Variants in CEP128 observed in about 807,000 individuals in gnomAD.
CEP128 encodes the protein centrosomal protein 128.
A neutral mutation model predicts 156.7 loss-of-function variants in CEP128; 132 were observed. The ratio of observed to expected loss-of-function variants is 0.84; its 90% CI spans 0.73 to 0.97. CEP128 has a LOEUF of 0.97. CEP128 is among the 50% of genes least tolerant of loss of function. The probability of loss-of-function intolerance (pLI) is 0.00; values close to 1 mark genes in which losing one functional copy is unlikely to be tolerated. For synonymous variants in CEP128, 469 were observed against 448.9 expected (o/e 1.04, Z -0.57); for missense variants, 1,252 against 1,281.9 (o/e 0.98, Z 0.36).
chr14:80,660,753 T>C (rs1268253277), intron 19 of CEP128, among the ~76,000 whole-genome samples: 1 of 152,210 alleles, frequency 6.6e-6, no homozygotes, highest in Non-Finnish European at 1.5e-5. Context: ...ATGTTACTAA[T>C]ATGTAACATT....
upstream of CEP128, among the ~76,000 whole-genome samples, chr14:80,944,372 T>C (rs1177175180): frequency 2.0e-5 from 3 of 152,134 alleles, no homozygotes; most frequent in African/African-American, 7.2e-5. Flanking sequence ...CTCATGATAG[T>C]GAGTGAGTTC....
intron 13 of CEP128, among the ~76,000 whole-genome samples, chr14:80,821,279 AAAGAT>A (rs1336133289): frequency 6.6e-6 from 1 of 152,208 alleles, no homozygotes; most frequent in Non-Finnish European, 1.5e-5. Context: ...AAATCACTCT[AAAGAT>A]AAGGAAACTA....
intron 19 of CEP128, among the ~76,000 whole-genome samples, chr14:80,605,274 G>A (rs1892732520): frequency 6.6e-6 from 1 of 152,022 alleles, no homozygotes; most frequent in Non-Finnish European, 1.5e-5. Context: ...ATGGCTCAAT[G>A]TGTATGAGTA....
chr14:80,596,053 GAAAA>G (rs55831009), intron 19 of CEP128, among the ~76,000 whole-genome samples: 1 of 109,118 alleles, frequency 9.2e-6, no homozygotes, highest in East Asian at 2.7e-4. Context: ...TATCAGCAGG[GAAAA>G]AAAAAAAAAA....
intron 16 of CEP128, among the ~76,000 whole-genome samples, chr14:80,776,877 G>C (rs1900822482): frequency 6.6e-6 from 1 of 152,058 alleles, no homozygotes; most frequent in South Asian, 2.1e-4. Context: ...ATTCTTAGTT[G>C]ACTTTTTGCC....
downstream of CEP128, among the ~76,000 whole-genome samples, chr14:80,486,082 C>A (rs560721777): frequency 6.6e-6 from 1 of 152,210 alleles, no homozygotes; most frequent in South Asian, 2.1e-4. Flanking sequence ...GGTGGGGAAT[C>A]CTTAGCAAAG....
chr14:80,838,430 T>C (rs1886194488), intron 10 of CEP128, 152 bp from the exon 11 acceptor site: 1 of 590,152 alleles, frequency 1.7e-6, no homozygotes. Context: ...TATGAACATA[T>C]ATCAATACTT....
At chr14:80,808,086 C>A (rs1036479397) in intron 13 of CEP128, among the ~76,000 whole-genome samples, 1 of 152,218 alleles carries the variant, frequency 6.6e-6, no homozygotes, top group African/African-American at 2.4e-5. Context: ...ACCCCACCAC[C>A]AGTAGTGGCA....
At chr14:80,800,747 C>T (rs1277068908) in intron 13 of CEP128, among the ~76,000 whole-genome samples, 6 of 152,118 alleles carry the variant, frequency 3.9e-5, no homozygotes, top group Non-Finnish European at 8.8e-5. Context: ...GTTATTTATT[C>T]CTTTCTATGT....
intron 19 of CEP128, among the ~76,000 whole-genome samples, chr14:80,620,509 A>G (rs1290836728): frequency 1.3e-5 from 2 of 152,326 alleles, no homozygotes; most frequent in African/African-American, 4.8e-5. Context: ...AAGACAATTG[A>G]TTTGTAAAGG....
At chr14:80,948,390 C>T (rs1236577804) in intron 2 of CEP128, among the ~76,000 whole-genome samples, 1 of 152,222 alleles carries the variant, frequency 6.6e-6, no homozygotes, top group Non-Finnish European at 1.5e-5. Flanking sequence ...AGGTAATTAT[C>T]ACTGCCAAGA....
upstream of CEP128, among the ~76,000 whole-genome samples, chr14:80,944,369 T>C (rs985419069): frequency 2.6e-5 from 4 of 152,166 alleles, no homozygotes; most frequent in African/African-American, 9.7e-5. Flanking sequence ...GTTCTCATGA[T>C]AGTGAGTGAG....
chr14:80,594,419 C>T (rs1013801366), intron 19 of CEP128, among the ~76,000 whole-genome samples: 8 of 152,134 alleles, frequency 5.3e-5, no homozygotes, highest in Non-Finnish European at 1.0e-4. Context: ...TGGGCAAAGA[C>T]TTCATGACTA....
chr14:80,727,749 C>T (rs866462075), intron 19 of CEP128, among the ~76,000 whole-genome samples: 1 of 152,024 alleles, frequency 6.6e-6, no homozygotes. Context: ...ATGCAGCCAA[C>T]AAGCATATGA....
intron 19 of CEP128, among the ~76,000 whole-genome samples, chr14:80,720,846 C>T (rs1235733277): frequency 1.3e-5 from 2 of 152,072 alleles, no homozygotes; most frequent in Non-Finnish European, 2.9e-5. Flanking sequence ...TATTCTAAAC[C>T]AAAAATCTGA....
chr14:80,541,144 A>C (rs1339213846), intron 21 of CEP128, among the ~76,000 whole-genome samples: 1 of 152,126 alleles, frequency 6.6e-6, no homozygotes, highest in Non-Finnish European at 1.5e-5. Context: ...AATTTAACCC[A>C]TGGTTCTCAG....
intron 13 of CEP128, among the ~76,000 whole-genome samples, chr14:80,828,974 T>G (rs555271330): frequency 6.6e-6 from 1 of 152,256 alleles, no homozygotes; most frequent in South Asian, 2.1e-4. Flanking sequence ...GAGACTAAAT[T>G]TCAAGAAAAT....
intron 20 of CEP128, among the ~76,000 whole-genome samples, chr14:80,571,137 GTAA>G (rs1458080420): frequency 6.6e-6 from 1 of 152,170 alleles, no homozygotes; most frequent in African/African-American, 2.4e-5. Flanking sequence ...TTAATTAGCT[GTAA>G]TATTGTGCAG....
At chr14:80,940,247 T>C (rs1189959278) in intron 1 of CEP128, among the ~76,000 whole-genome samples, 2 of 152,124 alleles carry the variant, frequency 1.3e-5, no homozygotes, top group African/African-American at 4.8e-5. Context: ...GGTTATGCAA[T>C]GGCAGACAAG....
Sources: allele counts gnomAD v4.1 joint callset (sites outside exome capture counted in the v4.1 genomes callset), GRCh38; gene constraint gnomAD v4.1.1; transcripts MANE v1.5; gene names NCBI Gene and HGNC (gene_info 2026-07-23, HGNC 2026-07-21).